STAT5B: variants seen among roughly 807,000 people sequenced by gnomAD.
STAT5B encodes the protein signal transducer and activator of transcription 5B.
A neutral mutation model predicts 107.8 loss-of-function variants in STAT5B; 21 were observed. The ratio of observed to expected loss-of-function variants is 0.19; its 90% CI spans 0.14 to 0.28. The LOEUF is 0.28. Among genes scored for constraint, STAT5B ranks in the 10% least tolerant of loss-of-function variants. The probability of loss-of-function intolerance (pLI) is 1.00; values close to 1 mark genes in which losing one functional copy is unlikely to be tolerated. For missense variants in STAT5B, 565 were observed against 1,008.2 expected (o/e 0.56, Z 5.95); for synonymous variants, 325 against 401.7 (o/e 0.81, Z 2.28).
chr17:42,281,041 G>A (rs1376450835), upstream of STAT5B, among the ~76,000 whole-genome samples: 1 of 152,050 alleles, frequency 6.6e-6, no homozygotes, highest in African/African-American at 2.4e-5. Flanking sequence ...GGCTGAGCCA[G>A]GAGAATGGCG....
chr17:42,223,342 C>T, intron 5 of STAT5B, 40 bp downstream of exon 5: 1 of 1,613,868 alleles, frequency 6.2e-7, no homozygotes, highest in Non-Finnish European at 8.5e-7. Flanking sequence ...TCCCCAGGCC[C>T]AATCCTCAAG....
chr17:42,209,090 A>G (rs147590507), intron 15 of STAT5B, among the ~76,000 whole-genome samples: 1,768 of 148,268 alleles, frequency 0.012, 27 homozygotes, highest in African/African-American at 0.042. Context: ...GCTGGAGTAC[A>G]GTGATGTGAT....
In STAT5B at chr17:42,264,410, A is replaced by G. The variant is rs544084646; in HGVS notation, c.-11+11838T>C. 4.3e-3 allele frequency among the ~76,000 whole-genome samples: 558 copies of G among 128,960 alleles called. 5 individuals are homozygous for G. The highest frequency in any genetic ancestry group is 0.016 in the African/African-American group (549 of 33,498). The allele number at this position is 128,960 out of a possible 152,430, so 84.6% of individuals were successfully genotyped here. A position where few individuals can be genotyped will look rare whatever the true frequency, so the allele number is the denominator to read the frequency against. On this transcript the variant is annotated intron_variant, in intron 1 of 18. Transcript: ENST00000293328. ...GTGTGATGTTCCCCTTCCTGTGTCC[A>G]TGTGTTCCCATTATTCAATTCCCAC...
chr17:42,201,659 C>T lies in STAT5B; in HGVS notation c.*79G>A, dbSNP rs1460889391. 6 of 968,960 alleles carry T rather than the reference C, an allele frequency of 6.2e-6. No individual in the cohort carries two copies. Among genetic ancestry groups the T allele is most frequent in the Middle Eastern group, 4.2e-4 (2 of 4,816 alleles). 60.0% of individuals were successfully genotyped at this position (968,960 alleles called of 1,614,324 possible). On this transcript the variant is annotated 3_prime_UTR_variant, in exon 19 of 19. Coordinates refer to ENST00000293328, the MANE Select transcript of STAT5B (RefSeq NM_012448.4). ...TATGAGTATTGTTTCAAAAGAGAAG[C>T]GATTCATGGAATTAAAACATCCACA...
At position 42,238,761 on chromosome 17, in the gene STAT5B, C is replaced by T. The variant is rs761348044; in HGVS notation, c.-10-6624G>A. 2.6e-5 allele frequency among the ~76,000 whole-genome samples: 4 copies of T among 151,660 alleles called. No homozygotes were observed. The South Asian group carries it at 8.3e-4, about 32-fold the overall frequency. ...TGGGCCCTTTTAAAAGATGGCATTC[C>T]TATTTCTTAATCAATTTCACTGGCA... On this transcript the variant is annotated intron_variant, in intron 1 of 18. Transcript: ENST00000293328.
At chr17:42,205,350 G>C (rs1338906623) in intron 16 of STAT5B, among the ~76,000 whole-genome samples, 1 of 149,880 alleles carries the variant, frequency 6.7e-6, no homozygotes, top group Admixed American at 6.6e-5. Context: ...ATATTTCCAA[G>C]TAAAAAAAAA....
At chr17:42,282,246 G>A in the STAT5B span, among the ~76,000 whole-genome samples, 3 of 152,202 alleles carry the variant, frequency 2.0e-5, no homozygotes, top group Non-Finnish European at 1.5e-5. Context: ...TAATACAGAT[G>A]GGATTGAAGG....
chr17:42,225,154 A>T (rs2080262759), intron 3 of STAT5B, among the ~76,000 whole-genome samples: 1 of 152,068 alleles, frequency 6.6e-6, no homozygotes, highest in African/African-American at 2.4e-5. Context: ...TCCTGGGTTC[A>T]AGTAATTCTC....
intron 1 of STAT5B, among the ~76,000 whole-genome samples, chr17:42,264,957 A>C (rs2080654516): frequency 8.2e-6 from 1 of 121,372 alleles, no homozygotes; most frequent in Non-Finnish European, 1.7e-5. Context: ...TCTGATGGCC[A>C]GTGATGGTGA....
Position 42,201,427 on chromosome 17 carries a change from C to G in STAT5B, c.*311G>C. ...CTTCACGAAACTCACTGCCTTTTTGCACAAAGTAAAAACCACCACAGCTTC... is the reference window on the plus strand; with the variant it reads ...CTTCACGAAACTCACTGCCTTTTTGGACAAAGTAAAAACCACCACAGCTTC... On this transcript the variant is annotated 3_prime_UTR_variant, in exon 19 of 19. Coordinates refer to ENST00000293328, the MANE Select transcript of STAT5B (RefSeq NM_012448.4). 1 of 596,732 alleles carries G rather than the reference C, an allele frequency of 1.7e-6. No individual in the cohort carries two copies. Among genetic ancestry groups the G allele is most frequent in the South Asian group, 2.0e-5 (1 of 49,220 alleles). The allele number at this position is 596,732 out of a possible 1,614,324, so 37.0% of individuals were successfully genotyped here. A position where few individuals can be genotyped will look rare whatever the true frequency, so the allele number is the denominator to read the frequency against.
At chr17:42,262,046 C>G (rs974164747) in intron 1 of STAT5B, among the ~76,000 whole-genome samples, 2 of 152,148 alleles carry the variant, frequency 1.3e-5, no homozygotes, top group Non-Finnish European at 2.9e-5. Flanking sequence ...ATAAGTAAGT[C>G]TACTGGGCTC....
chr17:42,254,165 C>T (rs2080522348), intron 1 of STAT5B, among the ~76,000 whole-genome samples: 1 of 152,028 alleles, frequency 6.6e-6, no homozygotes, highest in Admixed American at 6.6e-5. Context: ...CACTTGAGGC[C>T]AGGAGTTCAA....
At chr17:42,274,016 A>G (rs1205373999) in intron 1 of STAT5B, among the ~76,000 whole-genome samples, 2 of 152,168 alleles carry the variant, frequency 1.3e-5, no homozygotes, top group South Asian at 4.1e-4. Context: ...ATGTTGTAAC[A>G]CTCCAAACGA....
chr17:42,202,607 T>C, intron 17 of STAT5B, 150 bp downstream of exon 17: 3 of 1,462,324 alleles, frequency 2.1e-6, no homozygotes, highest in Non-Finnish European at 1.9e-6. Context: ...CCTCAGGTAC[T>C]GGCATAGCAT....
At chr17:42,262,968 GTGTATA>G (rs1305244972) in intron 1 of STAT5B, among the ~76,000 whole-genome samples, 187 of 32,626 alleles carry the variant, frequency 5.7e-3, no homozygotes, top group Non-Finnish European at 7.2e-3. Flanking sequence ...GTGTGTGTGT[GTGTATA>G]TATATATATA....
the STAT5B span, among the ~76,000 whole-genome samples, chr17:42,282,908 G>T: frequency 5.9e-5 from 9 of 152,342 alleles, no homozygotes; most frequent in South Asian, 1.9e-3. Flanking sequence ...GGAGTTGAGA[G>T]GCCAGCGTAA....
chr17:42,205,937 A>G (rs1598294490), intron 16 of STAT5B, among the ~76,000 whole-genome samples: 1 of 151,954 alleles, frequency 6.6e-6, no homozygotes, highest in South Asian at 2.1e-4. Context: ...AAAAACAAAC[A>G]TGTCCTCAGA....
chr17:42,282,086 G>A, the STAT5B span, among the ~76,000 whole-genome samples: 1 of 152,168 alleles, frequency 6.6e-6, no homozygotes, highest in Non-Finnish European at 1.5e-5. Context: ...CAGTGAACAG[G>A]GGGCTGCCCT....
chr17:42,232,948 T>G (rs762607896), intron 1 of STAT5B, among the ~76,000 whole-genome samples: 1 of 151,204 alleles, frequency 6.6e-6, no homozygotes, highest in Non-Finnish European at 1.5e-5. Context: ...TTCAAGCAAT[T>G]CTACTGCCTC....
Sources: gnomAD v4.1 joint callset for allele counts (sites outside exome capture counted in the v4.1 genomes callset) on GRCh38, gnomAD v4.1.1 for gene constraint, MANE v1.5 for transcripts, NCBI Gene and HGNC (gene_info 2026-07-23, HGNC 2026-07-21) for gene names.